Variants in SCN11A observed in about 807,000 individuals in gnomAD.
SCN11A encodes sodium voltage-gated channel alpha subunit 11.
In SCN11A, 122 loss-of-function variants were observed where a neutral mutation model predicts 162.2. That is an observed-to-expected ratio of 0.75 (90% CI 0.65 to 0.87). The LOEUF is 0.87. SCN11A is among the 40% of genes least tolerant of loss of function. The pLI is 0.00. For missense variants in SCN11A, 2,015 were observed against 2,181.6 expected, an observed-to-expected ratio of 0.92 and a Z score of 1.52; for synonymous variants, 758 against 751.5, an observed-to-expected ratio of 1.01 and a Z score of -0.14.
rs1216685337 is a variant in SCN11A, at chr3:38,889,802, A to AAAAAATAAAAT, written c.2836-3565_2836-3564insATTTTATTTTT. ...GCGACAGAGCGAGACTCCATCTCAA[A>AAAAAATAAAAT]AAAATAAAATAAAATAAAATAAAAT... is the stretch of plus-strand genomic sequence containing the variant. On this transcript the variant is annotated intron_variant, in intron 19 of 29. Transcript: ENST00000302328. Among the ~76,000 whole-genome samples the AAAAAATAAAAT allele has an allele frequency of 2.7e-3, 351 of 130,946 alleles. 3 individuals are homozygous for AAAAAATAAAAT. Among genetic ancestry groups the AAAAAATAAAAT allele is most frequent in the South Asian group, 7.4e-3 (29 of 3,924 alleles). The allele number at this position is 130,946 out of a possible 152,430, so 85.9% of individuals were successfully genotyped here.
At chr3:38,941,164 T>G (rs1345934924) in intron 7 of SCN11A, among the ~76,000 whole-genome samples, 1 of 152,152 alleles carries the variant, frequency 6.6e-6, no homozygotes, top group Non-Finnish European at 1.5e-5. Context: ...GGTTCAGAGC[T>G]GGCAGAGCAG....
rs2066124199 is a variant in SCN11A at position 38,925,471 on chromosome 3, A to G, written c.656T>C (p.Leu219Ser). ...GAACACACGGAAGGTACGCAGGGGC[A>G]ATAGTTTGATGGTGATTCCTGGAAT... ...SYIPGITIKL[L>S]PLRTFRVFRA... Residue 219 changes from leucine to serine, a missense_variant, in exon 9 of 30, where the codon TTG becomes TCG. Leu to Ser is a moderately radical substitution (Grantham distance 145). Coordinates refer to ENST00000302328, the MANE Select transcript of SCN11A (RefSeq NM_001349253.2). 6.2e-7 allele frequency: 1 copy of G among 1,613,764 alleles called. No individual in the cohort carries two copies. The highest frequency in any genetic ancestry group is 8.5e-7 in the Non-Finnish European group (1 of 1,179,758).
chr3:39,050,181 G>A (rs2032292873), intron 1 of SCN11A, among the ~76,000 whole-genome samples: 1 of 152,132 alleles, frequency 6.6e-6, no homozygotes, highest in Non-Finnish European at 1.5e-5. Flanking sequence ...TCACTTCTCT[G>A]TACTCTAAGC....
chr3:38,877,063 GTATATATA>G lies in SCN11A; in HGVS notation c.3393+2879_3393+2886del, dbSNP rs1559501517. ...ATATGGTGTATATACTATATATATG[GTATATATA>G]TGGTGTATATACTATATATATGGTA... On this transcript the variant is annotated intron_variant, in intron 23 of 29. Transcript: ENST00000302328. Among the ~76,000 whole-genome samples the G allele has an allele frequency of 8.2e-4, 103 of 125,086 alleles. 1 individual carries two copies. The highest frequency in any genetic ancestry group is 2.9e-3 in the African/African-American group (93 of 31,558). 82.1% of individuals were successfully genotyped at this position (125,086 alleles called of 152,430 possible). A position where few individuals can be genotyped will look rare whatever the true frequency, so the allele number is the denominator to read the frequency against.
At chr3:38,935,395 A>G (rs1405624553) in intron 7 of SCN11A, among the ~76,000 whole-genome samples, 1 of 152,222 alleles carries the variant, frequency 6.6e-6, no homozygotes, top group African/African-American at 2.4e-5. Context: ...ACTGAAGGAA[A>G]TAGAGACACA....
chr3:38,934,664 A>G (rs1483778156), intron 7 of SCN11A, among the ~76,000 whole-genome samples: 1 of 152,048 alleles, frequency 6.6e-6, no homozygotes. Context: ...GATCAATTGA[A>G]CAAGAAGAGC....
At chr3:38,925,385 G>T (rs1437767833) in intron 9 of SCN11A, 30 bp downstream of exon 9, 2 of 1,383,202 alleles carry the variant, frequency 1.4e-6, no homozygotes, top group South Asian at 1.2e-5. Context: ...TTCTAGATAG[G>T]AGCCAGTGTG....
At chr3:38,963,873 A>G (rs944140212) in intron 2 of SCN11A, among the ~76,000 whole-genome samples, 2 of 152,312 alleles carry the variant, frequency 1.3e-5, no homozygotes, top group South Asian at 2.1e-4. Flanking sequence ...TAACTTACAG[A>G]AAAATTTTAA....
intron 17 of SCN11A, among the ~76,000 whole-genome samples, chr3:38,899,393 A>G (rs568334278): frequency 4.6e-5 from 7 of 152,362 alleles, no homozygotes; most frequent in African/African-American, 1.4e-4. Flanking sequence ...CAAAGACTAC[A>G]GAACAGAAAT....
chr3:38,884,254 G>A (rs991291527), intron 21 of SCN11A, among the ~76,000 whole-genome samples: 1 of 151,446 alleles, frequency 6.6e-6, no homozygotes, highest in Non-Finnish European at 1.5e-5. Flanking sequence ...TCCCTTCTTT[G>A]ATAAAACCAC....
At chr3:38,884,645 T>C (rs1405536680) in intron 21 of SCN11A, among the ~76,000 whole-genome samples, 1 of 152,200 alleles carries the variant, frequency 6.6e-6, no homozygotes, top group African/African-American at 2.4e-5. Context: ...ACAATGAATA[T>C]AACAAATAGT....
At chr3:38,974,719 G>C (rs1031115379) in intron 2 of SCN11A, among the ~76,000 whole-genome samples, 6 of 132,936 alleles carry the variant, frequency 4.5e-5, no homozygotes, top group African/African-American at 8.6e-5. Context: ...AAAAAGAAAA[G>C]AAAAGAAAAG....
chr3:38,903,938 TTGA>T lies in SCN11A; in HGVS notation c.1766_1768del (p.Ile589del), dbSNP rs771412654. ...ATGCTCCATGGCCAAGAAGACAGTG[TTGA>T]TGATGATGCAGATGGTGATGGCCAG... On this transcript the variant is annotated inframe_deletion, in exon 16 of 30. Coordinates refer to ENST00000302328, the MANE Select transcript of SCN11A (RefSeq NM_001349253.2). 6.2e-7 allele frequency: 1 copy of T among 1,614,110 alleles called. No homozygotes were observed.
At chr3:38,863,366 T>G in intron 27 of SCN11A, 67 bp from the exon 28 acceptor site, 1 of 786,178 alleles carries the variant, frequency 1.3e-6, no homozygotes, top group Non-Finnish European at 2.1e-6. Flanking sequence ...CTGAATTTTT[T>G]GACACAATTT....
chr3:38,847,293 G>C lies in SCN11A; in HGVS notation c.4777C>G (p.Leu1593Val), dbSNP rs2126076129. 6.2e-7 allele frequency: 1 copy of C among 1,614,202 alleles called. No homozygotes were observed. ...YFVSYIIISF[L>V]IVVNMYIAVI... Reference sequence around the variant, plus strand: ...GCAATGTACATGTTGACAACAATGAGAAAGGAGATGATAATGTAACTGACA... The same window carrying C: ...GCAATGTACATGTTGACAACAATGACAAAGGAGATGATAATGTAACTGACA... The change falls in exon 30 of 30, where the codon CTC becomes GTC. Residue 1593 changes from leucine (L) to valine (V), a missense_variant. Physicochemically the swap from Leu to Val is conservative, Grantham distance 32. Transcript: ENST00000302328.
chr3:38,904,731 T>C (rs2065765715), intron 15 of SCN11A, among the ~76,000 whole-genome samples: 1 of 152,186 alleles, frequency 6.6e-6, no homozygotes. Context: ...TACCTGCTAT[T>C]AATCTGGTCC....
intron 23 of SCN11A, among the ~76,000 whole-genome samples, chr3:38,876,995 T>C (rs1002739479): frequency 2.0e-5 from 3 of 149,730 alleles, no homozygotes; most frequent in Admixed American, 6.7e-5. Flanking sequence ...GTGATATATA[T>C]ATAGAGAGAG....
intron 11 of SCN11A, among the ~76,000 whole-genome samples, chr3:38,916,112 T>C (rs2065957748): frequency 6.6e-6 from 1 of 152,206 alleles, no homozygotes; most frequent in South Asian, 2.1e-4. Flanking sequence ...TTGTCTGAAA[T>C]TAAGATTGCA....
Position 38,850,699 on chromosome 3 carries a change from A to T in SCN11A, c.4109T>A (p.Ile1370Asn), listed in dbSNP as rs772646322. 1.9e-6 allele frequency: 3 copies of T among 1,613,352 alleles called. No homozygotes were observed. The highest frequency in any genetic ancestry group is 2.5e-6 in the Non-Finnish European group (3 of 1,179,476). ...TAGGATAATGAGACTTATGATGATGATGTCAAAGATCTGGCTTGTGACTAT... is the reference window on the plus strand; with the variant it reads ...TAGGATAATGAGACTTATGATGATGTTGTCAAAGATCTGGCTTGTGACTAT... ...FDIVTSQIFD[I>N]IIISLIILNM... Residue 1370 changes from isoleucine to asparagine, a missense_variant, in exon 29 of 30, where the codon ATC becomes AAC. Ile to Asn is a moderately radical substitution (Grantham distance 149). Coordinates refer to ENST00000302328, the MANE Select transcript of SCN11A (RefSeq NM_001349253.2).
Sources: allele counts gnomAD v4.1 joint callset (sites outside exome capture counted in the v4.1 genomes callset), GRCh38; gene constraint gnomAD v4.1.1; transcripts MANE v1.5; gene names NCBI Gene and HGNC (gene_info 2026-07-23, HGNC 2026-07-21).